Variants in MAD1L1 observed in about 807,000 individuals in gnomAD.
MAD1L1 encodes mitotic arrest deficient 1 like 1.
MAD1L1 carries 95 observed loss-of-function variants against 96.9 expected under a neutral mutation model. That is an observed-to-expected ratio of 0.98 (90% CI 0.83 to 1.16). The LOEUF (loss-of-function observed/expected upper bound fraction) is 1.16. Among genes scored for constraint, MAD1L1 ranks in the 50% most tolerant of loss-of-function variants. The pLI is 0.00. For missense variants in MAD1L1, 1,007 were observed against 954.4 expected, an observed-to-expected ratio of 1.06 and a Z score of -0.73; for synonymous variants, 473 against 396.6, an observed-to-expected ratio of 1.19 and a Z score of -2.29.
At chr7:1,864,860 G>A (rs1360595919) in intron 18 of MAD1L1, among the ~76,000 whole-genome samples, 2 of 152,226 alleles carry the variant, frequency 1.3e-5, no homozygotes, top group African/African-American at 4.8e-5. Context: ...ACTTCTGCCA[G>A]GAGTGGATGC....
At chr7:2,101,814 C>T (rs73285752) in intron 11 of MAD1L1, among the ~76,000 whole-genome samples, 10,705 of 152,214 alleles carry the variant, frequency 0.07, 1,201 homozygotes, top group African/African-American at 0.24. Flanking sequence ...TCCGTGCACA[C>T]AGGGCCACAG....
chr7:2,105,268 G>T (rs1277836095), intron 11 of MAD1L1, among the ~76,000 whole-genome samples: 4 of 152,182 alleles, frequency 2.6e-5, no homozygotes, highest in African/African-American at 4.8e-5. Context: ...GCTGGCTTCA[G>T]GTGGTCACAG....
chr7:2,167,154 G>A (rs1166944918), intron 10 of MAD1L1, among the ~76,000 whole-genome samples: 2 of 152,210 alleles, frequency 1.3e-5, no homozygotes, highest in African/African-American at 2.4e-5. Flanking sequence ...GGCAACGGAG[G>A]TGCTGCTGCA....
chr7:2,112,923 T>G (rs1787456140), intron 11 of MAD1L1, among the ~76,000 whole-genome samples: 2 of 150,950 alleles, frequency 1.3e-5, no homozygotes, highest in Admixed American at 6.6e-5. Context: ...AGAGCCCAAC[T>G]GTGAGAGCTC....
At chr7:2,166,769 G>A (rs1206650252) in intron 10 of MAD1L1, among the ~76,000 whole-genome samples, 1 of 152,200 alleles carries the variant, frequency 6.6e-6, no homozygotes, top group Non-Finnish European at 1.5e-5. Context: ...GAATGACCTG[G>A]GCGGAACCAC....
At chr7:2,089,924 C>T (rs951706900) in intron 11 of MAD1L1, among the ~76,000 whole-genome samples, 11 of 152,220 alleles carry the variant, frequency 7.2e-5, no homozygotes, top group African/African-American at 2.2e-4. Context: ...CTCCCCAGAC[C>T]TTTCGAGCTG....
intron 10 of MAD1L1, among the ~76,000 whole-genome samples, chr7:2,164,285 G>A (rs1482668109): frequency 2.0e-5 from 3 of 152,172 alleles, no homozygotes; most frequent in Non-Finnish European, 2.9e-5. Context: ...AATGGGAGAG[G>A]CAAGAGAACA....
At chr7:2,016,963 G>A (rs1270624223) in intron 12 of MAD1L1, among the ~76,000 whole-genome samples, 3 of 152,248 alleles carry the variant, frequency 2.0e-5, no homozygotes, top group Admixed American at 6.5e-5. Flanking sequence ...CCGGGGCGGG[G>A]GACTTCCCTT....
intron 3 of MAD1L1, among the ~76,000 whole-genome samples, chr7:2,225,801 C>T (rs1793863785): frequency 6.6e-6 from 1 of 152,244 alleles, no homozygotes; most frequent in Admixed American, 6.5e-5. Context: ...AGGCAACGGC[C>T]TCGAATGCCA....
chr7:2,215,234 C>T (rs746795448), intron 9 of MAD1L1, among the ~76,000 whole-genome samples: 9 of 152,010 alleles, frequency 5.9e-5, no homozygotes, highest in Non-Finnish European at 1.2e-4. Context: ...AAAAATTAGC[C>T]GGGTGTGGTG....
rs530955763 is a variant in MAD1L1, at chr7:1,908,730, C to T, written c.1808-10340G>A. 1.2e-3 allele frequency among the ~76,000 whole-genome samples: 178 copies of T among 152,248 alleles called. 1 individual carries two copies. The highest frequency in any genetic ancestry group is 4.0e-3 in the African/African-American group (167 of 41,560). ...GCACTGCTGTGGAGAAGCCTGAATC[C>T]GTTCTGACTTCTGGTCTTCTACAAG... On this transcript the variant is annotated intron_variant, in intron 17 of 18. Transcript: ENST00000265854.
intron 13 of MAD1L1, among the ~76,000 whole-genome samples, chr7:2,008,270 G>T (rs761499274): frequency 1.3e-4 from 20 of 152,240 alleles, no homozygotes; most frequent in Non-Finnish European, 1.6e-4. Context: ...ACTCCAGGCT[G>T]GTCTCGGTAG....
chr7:2,007,802 G>A (rs751137546), intron 13 of MAD1L1, among the ~76,000 whole-genome samples: 1 of 152,252 alleles, frequency 6.6e-6, no homozygotes, highest in Non-Finnish European at 1.5e-5. Context: ...GTCCCAGCTG[G>A]CAAGAATGGG....
At chr7:2,166,528 CCT>C (rs1414798381) in intron 10 of MAD1L1, among the ~76,000 whole-genome samples, 2 of 152,222 alleles carry the variant, frequency 1.3e-5, no homozygotes, top group East Asian at 1.9e-4. Context: ...ATTTTCTCTC[CCT>C]GTTTCCTCAC....
intron 18 of MAD1L1, among the ~76,000 whole-genome samples, chr7:1,897,550 G>A (rs1358405428): frequency 6.6e-6 from 1 of 152,208 alleles, no homozygotes; most frequent in Non-Finnish European, 1.5e-5. Flanking sequence ...GCTGCTGGAG[G>A]TCCAAGTGGG....
intron 3 of MAD1L1, among the ~76,000 whole-genome samples, chr7:2,228,196 A>G (rs1414867990): frequency 6.6e-6 from 1 of 151,706 alleles, no homozygotes; most frequent in Non-Finnish European, 1.5e-5. Context: ...TCCGAGCCCC[A>G]AGACAGACTC....
intron 14 of MAD1L1, among the ~76,000 whole-genome samples, chr7:1,986,396 G>A (rs572547335): frequency 2.6e-5 from 4 of 152,032 alleles, no homozygotes; most frequent in Middle Eastern, 3.4e-3. Flanking sequence ...AGGGACCCCC[G>A]TTCCAGCTGC....
intron 18 of MAD1L1, among the ~76,000 whole-genome samples, chr7:1,886,644 G>A (rs567623280): frequency 1.3e-5 from 2 of 152,376 alleles, no homozygotes; most frequent in East Asian, 1.9e-4. Context: ...CAGGACAGCA[G>A]GGGTCAGCAG....
intron 18 of MAD1L1, among the ~76,000 whole-genome samples, chr7:1,827,138 G>A (rs1242822819): frequency 3.9e-5 from 6 of 152,202 alleles, no homozygotes; most frequent in African/African-American, 4.8e-5. Context: ...CGCCACGGGC[G>A]GCTCCAAGGG....
Sources: allele counts gnomAD v4.1 joint callset (sites outside exome capture counted in the v4.1 genomes callset), GRCh38; gene constraint gnomAD v4.1.1; transcripts MANE v1.5; gene names NCBI Gene and HGNC (gene_info 2026-07-23, HGNC 2026-07-21).